C21orf91: variants seen among roughly 807,000 people sequenced by gnomAD.
C21orf91 encodes chromosome 21 open reading frame 91.
A neutral mutation model predicts 32.9 loss-of-function variants in C21orf91; 26 were observed. The ratio of observed to expected loss-of-function variants is 0.79; its 90% confidence interval spans 0.58 to 1.10. The LOEUF is 1.10. Among genes scored for constraint, C21orf91 ranks in the 50% least tolerant of loss-of-function variants. The pLI is 0.00. For synonymous variants in C21orf91, 126 were observed against 120.4 expected, an observed-to-expected ratio of 1.05 and a Z score of -0.31; for missense variants, 310 against 341.3, an observed-to-expected ratio of 0.91 and a Z score of 0.72.
At chr21:17,818,066 T>G (rs1314984722) in intron 2 of C21orf91, 126 bp downstream of exon 2, 3 of 591,470 alleles carry the variant, frequency 5.1e-6, no homozygotes, top group Non-Finnish European at 5.7e-6. Context: ...CTTTAACAAA[T>G]CTCTACACTA....
At chr21:17,805,730 T>C (rs937676659) in intron 2 of C21orf91, among the ~76,000 whole-genome samples, 5 of 152,224 alleles carry the variant, frequency 3.3e-5, no homozygotes, top group Non-Finnish European at 7.3e-5. Flanking sequence ...ATTAACATTA[T>C]GTTACAAAAA....
Position 17,794,296 on chromosome 21 carries a change from T to C in C21orf91, c.728-715A>G, listed in dbSNP as rs187371045. ...ATTTTCTCATCTAAAAGGAAATAAA[T>C]TGAAAAGGAGACAACTGCGGAATCT... On this transcript the variant is annotated intron_variant, in intron 4 of 4. Coordinates refer to ENST00000284881, the MANE Select transcript of C21orf91 (RefSeq NM_001100420.2). Among the ~76,000 whole-genome samples, 545 of 152,308 alleles carry C rather than the reference T, an allele frequency of 3.6e-3. 12 individuals carry two copies. Among genetic ancestry groups the C allele is most frequent in the Admixed American group, 0.032 (492 of 15,294 alleles).
rs2062468708 is a variant in C21orf91 at position 17,790,935 on chromosome 21, T to C, written c.*2480A>G. ...TAAGCTCTGAAAATTTAGTAATGGA[T>C]GACTGGCAGTCTGTTTTGCCACTTT... On this transcript the variant is annotated 3_prime_UTR_variant, in exon 5 of 5. Coordinates refer to ENST00000284881, the MANE Select transcript of C21orf91 (RefSeq NM_001100420.2). The C allele has an allele frequency of 6.6e-6, 1 of 152,154 alleles. No individual in the cohort carries two copies. Among genetic ancestry groups the C allele is most frequent in the Non-Finnish European group, 1.5e-5 (1 of 67,964 alleles). 9.4% of individuals were successfully genotyped at this position (152,154 alleles called of 1,614,324 possible).
chr21:17,807,725 G>A (rs2062607562), intron 2 of C21orf91, among the ~76,000 whole-genome samples: 1 of 152,178 alleles, frequency 6.6e-6, no homozygotes, highest in Non-Finnish European at 1.5e-5. Flanking sequence ...CTCTTGCTAT[G>A]CTTTACCAAA....
intron 2 of C21orf91, among the ~76,000 whole-genome samples, chr21:17,805,335 T>C (rs999480786): frequency 6.6e-6 from 1 of 152,118 alleles, no homozygotes; most frequent in Non-Finnish European, 1.5e-5. Context: ...TGATTTTAGA[T>C]GGAGTTTTGC....
At chr21:17,796,124 G>C (rs902393383) in intron 3 of C21orf91, among the ~76,000 whole-genome samples, 8 of 152,186 alleles carry the variant, frequency 5.3e-5, no homozygotes, top group African/African-American at 1.9e-4. Context: ...AATAGATGTA[G>C]AGAGAATGAG....
chr21:17,811,210 T>C (rs572649491), intron 2 of C21orf91: 3 of 152,198 alleles, frequency 2.0e-5, no homozygotes, highest in African/African-American at 7.2e-5. Context: ...TTACCCAGAC[T>C]CTCTACTCAC....
intron 2 of C21orf91, among the ~76,000 whole-genome samples, chr21:17,802,757 T>C (rs1467498456): frequency 6.6e-6 from 1 of 152,254 alleles, no homozygotes; most frequent in Non-Finnish European, 1.5e-5. Flanking sequence ...TAGCACTGTC[T>C]CTCAGCTGTC....
intron 2 of C21orf91, chr21:17,810,352 C>G (rs1009307797): frequency 2.0e-5 from 3 of 152,150 alleles, no homozygotes; most frequent in African/African-American, 7.2e-5. Context: ...TAATTTTGAA[C>G]TGTAAACAGA....
rs915072176 is a variant in C21orf91, at chr21:17,789,296, C to T, written c.*4119G>A. The T allele has an allele frequency of 6.7e-6, 1 of 149,914 alleles. No individual in the cohort carries two copies. 9.3% of individuals were successfully genotyped at this position (149,914 alleles called of 1,614,324 possible). A position where few individuals can be genotyped will look rare whatever the true frequency, so the allele number is the denominator to read the frequency against. ...ACACACACACACACACAAAATGGAA[C>T]TGAACAAAAGTCACTACTTAATACT... On this transcript the variant is annotated 3_prime_UTR_variant, in exon 5 of 5. Transcript: ENST00000284881.
intron 2 of C21orf91, among the ~76,000 whole-genome samples, chr21:17,799,138 T>G (rs243553): frequency 1.3e-5 from 2 of 151,984 alleles, no homozygotes; most frequent in African/African-American, 4.8e-5. Flanking sequence ...TTTATTGTTA[T>G]ATTTTGTGGG....
At chr21:17,802,923 C>A (rs1036698469) in intron 2 of C21orf91, among the ~76,000 whole-genome samples, 1 of 152,184 alleles carries the variant, frequency 6.6e-6, no homozygotes, top group East Asian at 1.9e-4. Context: ...TGGTGCTCCA[C>A]AGGGAGAGCA....
chr21:17,818,976 C>T (rs2062686577), intron 1 of C21orf91: 1 of 152,264 alleles, frequency 6.6e-6, no homozygotes, highest in African/African-American at 2.4e-5. Context: ...GCCGCGGCAT[C>T]CTGGAGCCCG....
At chr21:17,807,974 A>C (rs530907450) in intron 2 of C21orf91, among the ~76,000 whole-genome samples, 1 of 152,370 alleles carries the variant, frequency 6.6e-6, no homozygotes, top group South Asian at 2.1e-4. Flanking sequence ...GGTAGAAAAG[A>C]AAAGCTCATT....
At chr21:17,796,379 T>C (rs1275745918) in intron 3 of C21orf91, among the ~76,000 whole-genome samples, 1 of 152,160 alleles carries the variant, frequency 6.6e-6, no homozygotes, top group Middle Eastern at 3.2e-3. Context: ...ACATGGAAAT[T>C]GCTTAACTTC....
chr21:17,809,434 A>C (rs577294987), intron 2 of C21orf91, among the ~76,000 whole-genome samples: 16 of 152,340 alleles, frequency 1.1e-4, no homozygotes, highest in Non-Finnish European at 2.2e-4. Flanking sequence ...CACTCCTCCC[A>C]AATAACACAA....
rs1423120662 is a variant in C21orf91 at position 17,789,225 on chromosome 21, A to T, written c.*4190T>A. ...CAGAGAGATTAAGTTCAATGACCAT[A>T]GTATACGCTACTGTTTTAAAGCAAG... On this transcript the variant is annotated 3_prime_UTR_variant, in exon 5 of 5. Transcript: ENST00000284881. 1.3e-5 allele frequency: 2 copies of T among 149,838 alleles called. No homozygotes were observed. The highest frequency in any genetic ancestry group is 5.0e-5 in the African/African-American group (2 of 40,144). 9.3% of individuals were successfully genotyped at this position (149,838 alleles called of 1,614,324 possible). A position where few individuals can be genotyped will look rare whatever the true frequency, so the allele number is the denominator to read the frequency against.
chr21:17,807,404 C>T (rs1050091723), intron 2 of C21orf91, among the ~76,000 whole-genome samples: 1 of 152,172 alleles, frequency 6.6e-6, no homozygotes, highest in Non-Finnish European at 1.5e-5. Flanking sequence ...GCCTGTGGAA[C>T]TGTGACCCAA....
In C21orf91 at chr21:17,818,290, A is replaced by G. The variant is rs765065209; in HGVS notation, c.29T>C (p.Ile10Thr). Reference protein sequence around the residue: MNEEEQFVNIDLNDDNICSV... With the variant: MNEEEQFVNTDLNDDNICSV... ...GCAAATGTTGTCATCATTCAAATCA[A>G]TGTTTACAAACTGCTCCTCTTCGTT... Residue 10 changes from isoleucine to threonine, a missense_variant, in exon 2 of 5, where the codon ATT becomes ACT. Ile to Thr is a moderately conservative substitution (Grantham distance 89). Coordinates refer to ENST00000284881, the MANE Select transcript of C21orf91 (RefSeq NM_001100420.2). 51 of 1,612,604 alleles carry G rather than the reference A, an allele frequency of 3.2e-5. No homozygotes were observed. The highest frequency in any genetic ancestry group is 4.2e-5 in the Non-Finnish European group (49 of 1,179,092).
Sources: gnomAD v4.1 joint callset for allele counts (sites outside exome capture counted in the v4.1 genomes callset) on GRCh38, gnomAD v4.1.1 for gene constraint, MANE v1.5 for transcripts, NCBI Gene and HGNC (gene_info 2026-07-23, HGNC 2026-07-21) for gene names.